ATP10B: variants seen among roughly 807,000 people sequenced by gnomAD.
ATP10B encodes phospholipid-transporting ATPase VB.
In ATP10B, 122 loss-of-function variants were observed where a neutral mutation model predicts 141.2. The observed-to-expected ratio is 0.86, with a 90% CI of 0.75 to 1.00. The LOEUF is 1.00. Among genes scored for constraint, ATP10B ranks in the 50% least tolerant of loss-of-function variants. The pLI, the probability that ATP10B is intolerant of heterozygous loss-of-function variation, is 0.00. For synonymous variants in ATP10B, 685 were observed against 692.0 expected (o/e 0.99, Z 0.16); for missense variants, 1,876 against 1,825.3 (o/e 1.03, Z -0.51).
the ATP10B span, among the ~76,000 whole-genome samples, chr5:160,886,443 A>AG: frequency 2.6e-5 from 4 of 152,168 alleles, no homozygotes; most frequent in Non-Finnish European, 5.9e-5. Flanking sequence ...GATAGCTTAG[A>AG]GGGGCTATGT....
At chr5:160,658,753 G>A (rs1383083590) in intron 7 of ATP10B, among the ~76,000 whole-genome samples, 1 of 152,160 alleles carries the variant, frequency 6.6e-6, no homozygotes, top group Non-Finnish European at 1.5e-5. Context: ...CATGAAGGAA[G>A]TTGGTTTGAA....
chr5:160,858,137 A>G, the ATP10B span, among the ~76,000 whole-genome samples: 2 of 151,708 alleles, frequency 1.3e-5, no homozygotes, highest in African/African-American at 4.8e-5. Context: ...TTTGTTTTAC[A>G]TGCTTTGTGA....
intron 14 of ATP10B, among the ~76,000 whole-genome samples, chr5:160,621,975 A>G (rs555106202): frequency 3.3e-5 from 5 of 152,340 alleles, no homozygotes; most frequent in Admixed American, 6.5e-5. Flanking sequence ...TATGTCCTTC[A>G]TTACCTTGAG....
At chr5:160,575,542 C>A (rs551548069) in intron 24 of ATP10B, among the ~76,000 whole-genome samples, 1 of 151,928 alleles carries the variant, frequency 6.6e-6, no homozygotes, top group Admixed American at 6.6e-5. Flanking sequence ...ATTCAGATAC[C>A]CTCTTTGAGC....
the ATP10B span, among the ~76,000 whole-genome samples, chr5:160,890,908 C>T: frequency 2.6e-5 from 4 of 152,126 alleles, no homozygotes; most frequent in Non-Finnish European, 5.9e-5. Context: ...ACAGGTCTCA[C>T]TATGTTGACC....
chr5:160,633,295 G>T (rs1024927992), intron 12 of ATP10B: 1 of 152,208 alleles, frequency 6.6e-6, no homozygotes, highest in African/African-American at 2.4e-5. Flanking sequence ...CAATAGCAAA[G>T]ACTTGGAACC....
At position 160,635,356 on chromosome 5, in the gene ATP10B, G is replaced by A. The variant is rs191253529; in HGVS notation, c.1129-750C>T. ...TTGCAGGTGAGTGAGGAGGGGGAGA[G>A]GGCTGCGAGGGGAGGTCAGGGAGGG... On this transcript the variant is annotated intron_variant, in intron 11 of 25. Transcript: ENST00000327245. Among the ~76,000 whole-genome samples the A allele has an allele frequency of 3.0e-4, 46 of 151,910 alleles. 1 individual carries two copies. Among genetic ancestry groups the A allele is most frequent in the Non-Finnish European group, 1.2e-4 (8 of 67,978 alleles).
At chr5:160,816,522 C>G (rs547073638) in intron 1 of ATP10B, among the ~76,000 whole-genome samples, 2 of 152,132 alleles carry the variant, frequency 1.3e-5, no homozygotes, top group East Asian at 1.9e-4. Flanking sequence ...AGCTTACCAA[C>G]CAAAAAAAAT....
intron 2 of ATP10B, among the ~76,000 whole-genome samples, chr5:160,767,771 G>A (rs560124600): frequency 2.6e-5 from 4 of 151,974 alleles, no homozygotes; most frequent in Admixed American, 6.6e-5. Context: ...TGGTGACTGC[G>A]GCTATGTCTT....
intron 8 of ATP10B, among the ~76,000 whole-genome samples, chr5:160,644,645 T>G (rs904389825): frequency 2.0e-5 from 3 of 152,156 alleles, no homozygotes; most frequent in Non-Finnish European, 4.4e-5. Flanking sequence ...TCCTCACTGT[T>G]ACACTCCCAC....
chr5:160,829,023 C>G (rs1282495311), intron 1 of ATP10B, among the ~76,000 whole-genome samples: 3 of 122,798 alleles, frequency 2.4e-5, no homozygotes, highest in Admixed American at 2.3e-4. Context: ...CACATGGACA[C>G]AGGAAGGGGA....
At chr5:160,653,142 ATATAT>A (rs1046147871) in intron 7 of ATP10B, among the ~76,000 whole-genome samples, 172 of 131,598 alleles carry the variant, frequency 1.3e-3, no homozygotes, top group Non-Finnish European at 2.3e-3. Flanking sequence ...ATACATAAAT[ATATAT>A]TATAAATACA....
intron 7 of ATP10B, among the ~76,000 whole-genome samples, chr5:160,662,212 C>T (rs1455403112): frequency 6.6e-6 from 1 of 152,060 alleles, no homozygotes; most frequent in East Asian, 1.9e-4. Flanking sequence ...TGAAAATGGC[C>T]ATACTGCCCA....
chr5:160,652,807 T>C (rs1467961084), intron 7 of ATP10B, among the ~76,000 whole-genome samples: 1 of 103,830 alleles, frequency 9.6e-6, no homozygotes, highest in African/African-American at 4.1e-5. Flanking sequence ...ATATATTATA[T>C]AATATATTAT....
intron 1 of ATP10B, among the ~76,000 whole-genome samples, chr5:160,799,417 C>A (rs1283771574): frequency 6.6e-6 from 1 of 152,208 alleles, no homozygotes; most frequent in East Asian, 1.9e-4. Context: ...CCCCAGATAC[C>A]TGGTGACGCC....
At chr5:160,815,912 A>G (rs1029127713) in intron 1 of ATP10B, among the ~76,000 whole-genome samples, 1 of 152,192 alleles carries the variant, frequency 6.6e-6, no homozygotes, top group Non-Finnish European at 1.5e-5. Context: ...CTGAATGACT[A>G]CTGGGTACAT....
At chr5:160,679,131 C>T (rs897745213) in intron 6 of ATP10B, among the ~76,000 whole-genome samples, 1 of 152,158 alleles carries the variant, frequency 6.6e-6, no homozygotes. Context: ...CCTCTGGCTT[C>T]CTCCCTTGTA....
intron 2 of ATP10B, among the ~76,000 whole-genome samples, chr5:160,730,755 C>G (rs1766681669): frequency 6.6e-6 from 1 of 152,130 alleles, no homozygotes. Context: ...TGCACCTTTC[C>G]AGTCCCAGCA....
At chr5:160,658,253 G>T (rs1217689498) in intron 7 of ATP10B, among the ~76,000 whole-genome samples, 3 of 152,174 alleles carry the variant, frequency 2.0e-5, no homozygotes, top group Non-Finnish European at 2.9e-5. Context: ...AGTGGCAAGA[G>T]CAAAGTCCAT....
Sources: gnomAD v4.1 joint callset for allele counts (sites outside exome capture counted in the v4.1 genomes callset) on GRCh38, gnomAD v4.1.1 for gene constraint, MANE v1.5 for transcripts, NCBI Gene and HGNC (gene_info 2026-07-23, HGNC 2026-07-21) for gene names.